Variants in EPHA4 observed in about 807,000 individuals in gnomAD.
The protein encoded by EPHA4 is ephrin type-A receptor 4.
Under a neutral mutation model 108.3 loss-of-function variants are expected in EPHA4, and 19 were observed. The ratio of observed to expected loss-of-function variants is 0.18; its 90% CI spans 0.12 to 0.26. The LOEUF is 0.26. EPHA4 is among the 10% of genes least tolerant of loss of function. EPHA4 has a pLI of 1.00. For missense variants in EPHA4, 917 were observed against 1,254.0 expected (o/e 0.73, Z 4.06); for synonymous variants, 449 against 455.5 (o/e 0.99, Z 0.18).
intron 3 of EPHA4, among the ~76,000 whole-genome samples, chr2:221,522,929 C>T (rs1415069792): frequency 6.6e-6 from 1 of 151,806 alleles, no homozygotes; most frequent in Non-Finnish European, 1.5e-5. Flanking sequence ...CACCATCCAC[C>T]TAATTTTTGA....
chr2:221,506,579 C>A lies in EPHA4; in HGVS notation c.824-5407G>T, dbSNP rs538971361. Among the ~76,000 whole-genome samples the A allele has an allele frequency of 7.1e-4, 108 of 152,302 alleles. No individual in the cohort carries two copies. In the Middle Eastern group the frequency reaches 0.014, roughly 19 times the overall value. ...TTCAAACATGCAGGGTGAAGATGGACAATTGGAACTGTTATTGGACCCATC... is the reference window on the plus strand; with the variant it reads ...TTCAAACATGCAGGGTGAAGATGGAAAATTGGAACTGTTATTGGACCCATC... On this transcript the variant is annotated intron_variant, in intron 3 of 17. Coordinates refer to ENST00000281821, the MANE Select transcript of EPHA4 (RefSeq NM_004438.5).
rs1691224985 is a variant in EPHA4, at chr2:221,463,864, C to T, written c.1319-5874G>A. Among the ~76,000 whole-genome samples, 4 of 152,294 alleles carry T rather than the reference C, an allele frequency of 2.6e-5. No homozygotes were observed. In the South Asian group the frequency reaches 8.3e-4, roughly 32 times the overall value. ...GGTTCCTGAGCTAGAAAATTGTTTT[C>T]TTGAGTCCAGTATCACAAGCAGTGA... On this transcript the variant is annotated intron_variant, in intron 5 of 17. Transcript: ENST00000281821.
intron 4 of EPHA4, 29 bp downstream of exon 4, chr2:221,500,988 C>A (rs2106157416): frequency 1.3e-6 from 2 of 1,533,910 alleles, no homozygotes; most frequent in South Asian, 1.3e-5. Flanking sequence ...GTTGGCATCA[C>A]AGGAATGAGA....
chr2:221,441,552 C>A (rs74763113), intron 11 of EPHA4, among the ~76,000 whole-genome samples: 11,892 of 152,128 alleles, frequency 0.078, 614 homozygotes, highest in East Asian at 0.25. Context: ...GGACACCAGA[C>A]AGGAACCCAG....
intron 4 of EPHA4, among the ~76,000 whole-genome samples, chr2:221,483,919 G>T (rs1654983272): frequency 6.6e-6 from 1 of 152,132 alleles, no homozygotes; most frequent in African/African-American, 2.4e-5. Flanking sequence ...GGCTTAAAAG[G>T]TAGCTGCCAC....
intron 3 of EPHA4, among the ~76,000 whole-genome samples, chr2:221,536,112 C>T (rs1252752045): frequency 6.6e-6 from 1 of 152,176 alleles, no homozygotes; most frequent in Admixed American, 6.5e-5. Context: ...GATAGTCCTT[C>T]TTATCTTTGG....
intron 5 of EPHA4, among the ~76,000 whole-genome samples, chr2:221,478,440 A>G (rs1198062114): frequency 6.6e-6 from 1 of 152,194 alleles, no homozygotes; most frequent in Non-Finnish European, 1.5e-5. Context: ...AACAAAAGAC[A>G]AAACAGTCGC....
intron 3 of EPHA4, among the ~76,000 whole-genome samples, chr2:221,550,419 G>GAGAA (rs2106198295): frequency 1.6e-5 from 1 of 61,474 alleles, no homozygotes; most frequent in Admixed American, 1.3e-4. Context: ...GAGGAAAGGG[G>GAGAA]AGAGAGAGAG....
At chr2:221,463,469 G>A (rs535596181) in intron 5 of EPHA4, among the ~76,000 whole-genome samples, 2 of 152,220 alleles carry the variant, frequency 1.3e-5, no homozygotes, top group South Asian at 4.1e-4. Context: ...CACTGAGAAG[G>A]TACATGTGGG....
intron 3 of EPHA4, among the ~76,000 whole-genome samples, chr2:221,517,313 G>A (rs1261895173): frequency 6.6e-6 from 1 of 152,196 alleles, no homozygotes; most frequent in African/African-American, 2.4e-5. Flanking sequence ...CTGATGCTAG[G>A]AAATGTTGCA....
At chr2:221,486,816 T>A (rs1217532102) in intron 4 of EPHA4, among the ~76,000 whole-genome samples, 2 of 151,278 alleles carry the variant, frequency 1.3e-5, no homozygotes, top group Non-Finnish European at 2.9e-5. Context: ...CCATGGTTCC[T>A]CGTTCAGAAA....
At chr2:221,452,507 C>A (rs561308265) in intron 8 of EPHA4, among the ~76,000 whole-genome samples, 1 of 152,198 alleles carries the variant, frequency 6.6e-6, no homozygotes, top group African/African-American at 2.4e-5. Context: ...AGACAACCTG[C>A]GTGAGGAGAA....
chr2:221,486,381 G>C (rs1040556705), intron 4 of EPHA4, among the ~76,000 whole-genome samples: 4 of 151,982 alleles, frequency 2.6e-5, no homozygotes, highest in African/African-American at 4.8e-5. Flanking sequence ...ATGGTGTCTT[G>C]CTACTTAGAC....
chr2:221,514,089 G>GGC lies in EPHA4; in HGVS notation c.824-12918_824-12917insGC, dbSNP rs1559274239. 6.7e-3 allele frequency among the ~76,000 whole-genome samples: 785 copies of GGC among 116,852 alleles called. 9 individuals are homozygous for GGC. The highest frequency in any genetic ancestry group is 0.035 in the African/African-American group (748 of 21,446). 76.7% of individuals were successfully genotyped at this position (116,852 alleles called of 152,430 possible). A position where few individuals can be genotyped will look rare whatever the true frequency, so the allele number is the denominator to read the frequency against. On this transcript the variant is annotated intron_variant, in intron 3 of 17. Coordinates refer to ENST00000281821, the MANE Select transcript of EPHA4 (RefSeq NM_004438.5). ...GGACTCAGTTATACTCCTGTAAGCCGGGGGGAGGGGGTTTGAAAATCTACT... is the reference window on the plus strand; with the variant it reads ...GGACTCAGTTATACTCCTGTAAGCCGGCGGGGGAGGGGGTTTGAAAATCTACT...
intron 3 of EPHA4, among the ~76,000 whole-genome samples, chr2:221,526,360 A>G (rs1693323867): frequency 6.6e-6 from 1 of 152,202 alleles, no homozygotes; most frequent in Non-Finnish European, 1.5e-5. Context: ...AATTTGGCTA[A>G]TAAGTGACAG....
At position 221,544,169 on chromosome 2, in the gene EPHA4, A is replaced by T. The variant is rs1177607703; in HGVS notation, c.823+19562T>A. Among the ~76,000 whole-genome samples the T allele has an allele frequency of 2.6e-5, 4 of 152,218 alleles. No homozygotes were observed. The East Asian group carries it at 7.7e-4, about 29-fold the overall frequency. ...TCACCTTGGTGGTTAAGATTTCAAC[A>T]TATAAATTCGAAGGGGGCATAAATA... On this transcript the variant is annotated intron_variant, in intron 3 of 17. Transcript: ENST00000281821.
chr2:221,489,669 AT>A (rs1237886525), intron 4 of EPHA4, among the ~76,000 whole-genome samples: 2 of 152,308 alleles, frequency 1.3e-5, no homozygotes. Flanking sequence ...TTATATTCCC[AT>A]TAGAACATAA....
intron 3 of EPHA4, among the ~76,000 whole-genome samples, chr2:221,546,509 T>C (rs1694003311): frequency 6.6e-6 from 1 of 152,114 alleles, no homozygotes; most frequent in South Asian, 2.1e-4. Flanking sequence ...ATCTGATATT[T>C]ATTATATATT....
intron 3 of EPHA4, among the ~76,000 whole-genome samples, chr2:221,524,342 T>C (rs1693260933): frequency 6.6e-6 from 1 of 152,196 alleles, no homozygotes; most frequent in Non-Finnish European, 1.5e-5. Context: ...TAATCACCTA[T>C]ATACAGTCAA....
Sources: allele counts gnomAD v4.1 joint callset (sites outside exome capture counted in the v4.1 genomes callset), GRCh38; gene constraint gnomAD v4.1.1; transcripts MANE v1.5; gene names NCBI Gene and HGNC (gene_info 2026-07-23, HGNC 2026-07-21).